MDGA2: variants seen among roughly 807,000 people sequenced by gnomAD.
MDGA2 encodes the protein MAM domain-containing glycosylphosphatidylinositol anchor protein 2.
A neutral mutation model predicts 117.8 loss-of-function variants in MDGA2; 40 were observed. That is an observed-to-expected ratio of 0.34 (90% CI 0.26 to 0.44). The LOEUF (loss-of-function observed/expected upper bound fraction) is 0.44. Ranked by LOEUF, MDGA2 falls within the 20% of genes least tolerant of loss-of-function variation. The pLI is 1.00. For synonymous variants in MDGA2, 452 were observed against 439.0 expected, an observed-to-expected ratio of 1.03 and a Z score of -0.37; for missense variants, 1,123 against 1,250.6, an observed-to-expected ratio of 0.90 and a Z score of 1.54.
chr14:47,085,970 C>T (rs190272565), intron 6 of MDGA2, among the ~76,000 whole-genome samples: 166 of 151,976 alleles, frequency 1.1e-3, no homozygotes, highest in African/African-American at 3.7e-3. Context: ...TATCTCAATG[C>T]TTTTAAATTA....
At chr14:47,172,409 A>G (rs1400640823) in intron 3 of MDGA2, among the ~76,000 whole-genome samples, 1 of 151,318 alleles carries the variant, frequency 6.6e-6, no homozygotes, top group East Asian at 2.0e-4. Flanking sequence ...AAGTAGGGGC[A>G]GACTGACACC....
chr14:47,271,210 T>C (rs866600164), intron 2 of MDGA2, among the ~76,000 whole-genome samples: 1 of 152,188 alleles, frequency 6.6e-6, no homozygotes, highest in African/African-American at 2.4e-5. Context: ...GCTGCTCCAA[T>C]ACTAGCAACA....
chr14:47,492,456 G>A (rs752951857), intron 1 of MDGA2, among the ~76,000 whole-genome samples: 3 of 151,748 alleles, frequency 2.0e-5, no homozygotes, highest in Non-Finnish European at 4.4e-5. Flanking sequence ...TTTTATATAC[G>A]TGTGTGTGTG....
chr14:47,151,500 A>G (rs888157162), intron 3 of MDGA2, among the ~76,000 whole-genome samples: 2 of 152,306 alleles, frequency 1.3e-5, no homozygotes, highest in Admixed American at 6.5e-5. Flanking sequence ...ATATGTCTCT[A>G]TGTTTATTCA....
At chr14:47,577,556 G>T (rs535620430) in intron 1 of MDGA2, among the ~76,000 whole-genome samples, 7 of 152,086 alleles carry the variant, frequency 4.6e-5, no homozygotes, top group Non-Finnish European at 1.0e-4. Context: ...CAAAGGTCTA[G>T]TATCCAGAAT....
chr14:47,568,177 T>C (rs8021059), intron 1 of MDGA2, among the ~76,000 whole-genome samples: 40,727 of 152,076 alleles, frequency 0.27, 6,288 homozygotes, highest in Non-Finnish European at 0.35. Flanking sequence ...TCATGCTGTC[T>C]ATATAGACTA....
intron 3 of MDGA2, among the ~76,000 whole-genome samples, chr14:47,213,085 T>C (rs1365665252): frequency 1.3e-5 from 2 of 152,146 alleles, no homozygotes. Context: ...TTCTTAGTTT[T>C]GGAGGAAAAT....
chr14:47,274,053 C>T (rs1258039272), intron 2 of MDGA2, among the ~76,000 whole-genome samples: 4 of 152,082 alleles, frequency 2.6e-5, no homozygotes, highest in Non-Finnish European at 5.9e-5. Flanking sequence ...GGCTTCACTG[C>T]AATCACTACT....
chr14:47,077,852 C>T (rs950287120), intron 6 of MDGA2, among the ~76,000 whole-genome samples: 2 of 151,860 alleles, frequency 1.3e-5, no homozygotes, highest in African/African-American at 2.4e-5. Context: ...AAAAGTTGTA[C>T]AAGAGAAGTA....
At chr14:47,298,292 T>C (rs1234735433) in intron 2 of MDGA2, among the ~76,000 whole-genome samples, 6 of 152,076 alleles carry the variant, frequency 3.9e-5, no homozygotes, top group African/African-American at 1.4e-4. Flanking sequence ...TTTCTTTGGA[T>C]ACATCAATAC....
intron 1 of MDGA2, among the ~76,000 whole-genome samples, chr14:47,468,152 C>T (rs1955789): frequency 0.74 from 112,550 of 151,972 alleles, 42,185 homozygotes; most frequent in East Asian, 1. Flanking sequence ...ACAATCCAAG[C>T]ATTTCTAGGT....
At chr14:47,405,669 T>TA (rs1294827550) in intron 1 of MDGA2, among the ~76,000 whole-genome samples, 3 of 152,188 alleles carry the variant, frequency 2.0e-5, no homozygotes, top group Non-Finnish European at 4.4e-5. Flanking sequence ...CTTTGACAGT[T>TA]ACAGTTTCTA....
chr14:47,468,591 A>G (rs1893651899), intron 1 of MDGA2, among the ~76,000 whole-genome samples: 1 of 152,180 alleles, frequency 6.6e-6, no homozygotes, highest in African/African-American at 2.4e-5. Flanking sequence ...AGCGAACACA[A>G]AGATAGGCTG....
chr14:47,670,050 A>C (rs1240774520), intron 1 of MDGA2, among the ~76,000 whole-genome samples: 1 of 152,142 alleles, frequency 6.6e-6, no homozygotes, highest in Non-Finnish European at 1.5e-5. Context: ...CCTTGTTCTT[A>C]ATTTCACCAA....
chr14:47,465,963 A>G (rs1223091291), intron 1 of MDGA2, among the ~76,000 whole-genome samples: 1 of 152,124 alleles, frequency 6.6e-6, no homozygotes, highest in African/African-American at 2.4e-5. Context: ...CAAGGTACAT[A>G]TACACCATGA....
rs148043319 is a variant in MDGA2, at chr14:47,127,593, T to C, written c.925+4121A>G. On this transcript the variant is annotated intron_variant, in intron 5 of 16. Transcript: ENST00000399232. ...CAATTACTTACCATAATTCTAATAC[T>C]CATTTTGCAGTGAACATCAATCAAA... Among the ~76,000 whole-genome samples, 7 of 152,244 alleles carry C rather than the reference T, an allele frequency of 4.6e-5. 1 individual carries two copies. The East Asian group carries it at 1.2e-3, about 25-fold the overall frequency.
chr14:47,136,943 A>G (rs1040631922), intron 4 of MDGA2, among the ~76,000 whole-genome samples: 1 of 152,232 alleles, frequency 6.6e-6, no homozygotes, highest in Non-Finnish European at 1.5e-5. Flanking sequence ...TATGGAAAAG[A>G]GAATGTAAAA....
intron 14 of MDGA2, among the ~76,000 whole-genome samples, chr14:46,865,836 G>T (rs1359226673): frequency 6.6e-6 from 1 of 151,714 alleles, no homozygotes. Context: ...ACTTACAAGG[G>T]ATGTGAAGGA....
At chr14:47,305,137 A>G (rs1229678994) in intron 1 of MDGA2, 1 of 152,222 alleles carries the variant, frequency 6.6e-6, no homozygotes, top group Non-Finnish European at 1.5e-5. Flanking sequence ...AACTATCACT[A>G]TAATGACATC....
Sources: gnomAD v4.1 joint callset for allele counts (sites outside exome capture counted in the v4.1 genomes callset) on GRCh38, gnomAD v4.1.1 for gene constraint, MANE v1.5 for transcripts, NCBI Gene and HGNC (gene_info 2026-07-23, HGNC 2026-07-21) for gene names.